RAD23B: variants seen among roughly 807,000 people sequenced by gnomAD.
RAD23B encodes the protein RAD23 nucleotide excision repair protein B, also known as lysine-specific demethylase RAD23B.
Under a neutral mutation model 49.1 loss-of-function variants are expected in RAD23B, and 5 were observed. The ratio of observed to expected loss-of-function variants is 0.10; its 90% CI spans 0.05 to 0.21. The LOEUF (loss-of-function observed/expected upper bound fraction) is 0.21, where lower values mean the gene tolerates loss of function less well. RAD23B is among the 10% of genes least tolerant of loss of function. RAD23B has a pLI of 1.00. For synonymous variants in RAD23B, 184 were observed against 165.4 expected, an observed-to-expected ratio of 1.11 and a Z score of -0.86; for missense variants, 356 against 486.7, an observed-to-expected ratio of 0.73 and a Z score of 2.53.
intron 1 of RAD23B, among the ~76,000 whole-genome samples, chr9:107,297,593 C>T (rs1160855704): frequency 1.3e-5 from 2 of 152,186 alleles, no homozygotes; most frequent in Non-Finnish European, 2.9e-5. Context: ...TCTGCCTTGG[C>T]CTCCCAAAGT....
chr9:107,296,567 T>TC (rs1055720240), intron 1 of RAD23B, among the ~76,000 whole-genome samples: 3 of 132,452 alleles, frequency 2.3e-5, no homozygotes, highest in Non-Finnish European at 4.5e-5. Flanking sequence ...TCTCTCTCTC[T>TC]TTTTTTTTTT....
At chr9:107,326,352 G>T (rs990425534) in intron 9 of RAD23B, among the ~76,000 whole-genome samples, 5 of 145,522 alleles carry the variant, frequency 3.4e-5, no homozygotes, top group Admixed American at 1.3e-4. Context: ...GTGATGGTGG[G>T]CGCCTGTAGT....
chr9:107,324,221 C>A (rs534559201), intron 8 of RAD23B, among the ~76,000 whole-genome samples: 3 of 152,234 alleles, frequency 2.0e-5, no homozygotes, highest in East Asian at 1.9e-4. Flanking sequence ...ATTAAGTTGA[C>A]CAAATAGTAG....
intron 4 of RAD23B, 28 bp from the exon 5 acceptor site, chr9:107,311,654 A>G (rs757368676): frequency 2.7e-5 from 42 of 1,529,912 alleles, no homozygotes; most frequent in Admixed American, 4.1e-5. Context: ...ACTTTTTAAA[A>G]TGTGATTTTT....
intron 1 of RAD23B, chr9:107,284,123 T>C (rs1434247789): frequency 2.0e-6 from 2 of 994,402 alleles, no homozygotes; most frequent in Non-Finnish European, 2.4e-6. Context: ...GTTCCCAGAG[T>C]TGGTAACCCG....
intron 1 of RAD23B, among the ~76,000 whole-genome samples, chr9:107,285,830 C>T (rs1263508444): frequency 6.6e-6 from 1 of 152,140 alleles, no homozygotes; most frequent in Non-Finnish European, 1.5e-5. Context: ...CATTTAATGA[C>T]TTGTCAGTTT....
chr9:107,316,677 C>G (rs1331483015), intron 5 of RAD23B, among the ~76,000 whole-genome samples: 1 of 151,824 alleles, frequency 6.6e-6, no homozygotes, highest in African/African-American at 2.4e-5. Flanking sequence ...TATTAAACAC[C>G]TTTATTTTTG....
chr9:107,295,087 G>T (rs11573642), intron 1 of RAD23B, among the ~76,000 whole-genome samples: 27 of 150,498 alleles, frequency 1.8e-4, no homozygotes, highest in African/African-American at 6.4e-4. Context: ...AGCGGTGGGT[G>T]GGGGGGGACT....
chr9:107,285,025 T>C (rs761288112), intron 1 of RAD23B: 83 of 1,172,804 alleles, frequency 7.1e-5, no homozygotes, highest in Non-Finnish European at 8.9e-5. Flanking sequence ...TTAAGTTTTG[T>C]ACATCTTTAA....
chr9:107,327,955 A>G (rs1007037209), intron 9 of RAD23B, among the ~76,000 whole-genome samples: 1 of 152,158 alleles, frequency 6.6e-6, no homozygotes, highest in Non-Finnish European at 1.5e-5. Context: ...TGTCTATAGT[A>G]ACAATTTTTA....
intron 1 of RAD23B, among the ~76,000 whole-genome samples, chr9:107,285,498 C>T (rs72736195): frequency 0.01 from 1,527 of 152,302 alleles, 10 homozygotes; most frequent in Non-Finnish European, 0.016. Flanking sequence ...GTCAACAGCT[C>T]CACTGAAGTA....
chr9:107,329,698 C>T lies in RAD23B; in HGVS notation c.*42C>T, dbSNP rs1389675266. On this transcript the variant is annotated 3_prime_UTR_variant, in exon 10 of 10. Coordinates refer to ENST00000358015, the MANE Select transcript of RAD23B (RefSeq NM_002874.5). ...TCTCACACTTCACACCAGTGCATTA[C>T]ACTAACTTGTTCACTGGATTGTCTG... 5 of 1,227,264 alleles carry T rather than the reference C, an allele frequency of 4.1e-6. No individual in the cohort carries two copies. Among genetic ancestry groups the T allele is most frequent in the African/African-American group, 1.5e-5 (1 of 65,806 alleles). 76.0% of individuals were successfully genotyped at this position (1,227,264 alleles called of 1,614,324 possible). A position where few individuals can be genotyped will look rare whatever the true frequency, so the allele number is the denominator to read the frequency against.
At chr9:107,304,991 C>G (rs767988868) in intron 3 of RAD23B, among the ~76,000 whole-genome samples, 7 of 152,124 alleles carry the variant, frequency 4.6e-5, no homozygotes, top group Non-Finnish European at 7.4e-5. Context: ...GCTAGAGAAA[C>G]TATTAAGAAA....
intron 2 of RAD23B, among the ~76,000 whole-genome samples, chr9:107,301,434 T>C (rs930576110): frequency 4.6e-5 from 7 of 152,228 alleles, no homozygotes; most frequent in African/African-American, 1.7e-4. Context: ...CTTTCATATT[T>C]CCTTGCCCAG....
rs774424059 is a variant in RAD23B at position 107,318,852 on chromosome 9, T to G, written c.654T>G (p.Pro218=). ...CCCTGAGAGCCAGTTTCAACAACCC[T>G]GACAGAGCAGTGGAGTATCTTTTAA... ...IAALRASFNN[P]DRAVEYLLMG... is the part of the protein sequence containing the mutation. Residue 218 remains proline (P), a synonymous_variant, in exon 6 of 10, where the codon CCT becomes CCG. Transcript: ENST00000358015. This position sits in a 1 kb window ranked among gnomAD's most constrained non-coding sequence, Gnocchi z 4.3. 6.2e-7 allele frequency: 1 copy of G among 1,613,690 alleles called. No individual in the cohort carries two copies. Among genetic ancestry groups the G allele is most frequent in the South Asian group, 1.1e-5 (1 of 91,056 alleles).
intron 9 of RAD23B, among the ~76,000 whole-genome samples, chr9:107,326,676 C>T (rs1827213306): frequency 7.3e-6 from 1 of 137,876 alleles, no homozygotes; most frequent in South Asian, 2.5e-4. Flanking sequence ...CTCTGTTGCC[C>T]AGGCTGGATT....
Position 107,330,340 on chromosome 9 carries a change from C to T in RAD23B, c.*684C>T, listed in dbSNP as rs1165220235. The T allele has an allele frequency of 6.6e-6, 1 of 152,494 alleles. No individual in the cohort carries two copies. Among genetic ancestry groups the T allele is most frequent in the East Asian group, 1.9e-4 (1 of 5,200 alleles). The allele number at this position is 152,494 out of a possible 1,614,324, so 9.4% of individuals were successfully genotyped here. On this transcript the variant is annotated 3_prime_UTR_variant, in exon 10 of 10. Transcript: ENST00000358015. This position sits in a 1 kb window ranked among gnomAD's most constrained non-coding sequence, Gnocchi z 4.4. ...ATTTGAGAAGCTGTACAAGTATAGG[C>T]AGAGTTATTTTCCTGTTTACATTTT...
chr9:107,309,503 G>A (rs1376191614), intron 4 of RAD23B, among the ~76,000 whole-genome samples: 3 of 152,214 alleles, frequency 2.0e-5, no homozygotes, highest in Non-Finnish European at 2.9e-5. Context: ...GGCAAGCGTT[G>A]ACATATAACT....
intron 1 of RAD23B, among the ~76,000 whole-genome samples, chr9:107,289,997 C>T (rs570653738): frequency 6.6e-6 from 1 of 152,184 alleles, no homozygotes; most frequent in Non-Finnish European, 1.5e-5. Flanking sequence ...AACATTAAGG[C>T]ACACTAAGGA....
Sources: gnomAD v4.1 joint callset for allele counts (sites outside exome capture counted in the v4.1 genomes callset) on GRCh38, gnomAD v4.1.1 for gene constraint, Gnocchi (gnomAD v3.1) non-coding constraint, MANE v1.5 for transcripts, NCBI Gene and HGNC (gene_info 2026-07-23, HGNC 2026-07-21) for gene names.